INPP4B: variants seen among roughly 807,000 people sequenced by gnomAD.
The protein encoded by INPP4B is inositol polyphosphate 4-phosphatase type II.
Under a neutral mutation model 122.5 loss-of-function variants are expected in INPP4B, and 55 were observed. The ratio of observed to expected loss-of-function variants is 0.45; its 90% CI spans 0.36 to 0.56. The LOEUF is 0.56. Ranked by LOEUF, INPP4B falls within the 20% of genes least tolerant of loss-of-function variation. The probability of loss-of-function intolerance (pLI) is 0.00; values close to 1 mark genes in which losing one functional copy is unlikely to be tolerated. For missense variants in INPP4B, 1,000 were observed against 1,097.7 expected, an observed-to-expected ratio of 0.91 and a Z score of 1.26; for synonymous variants, 403 against 388.7, an observed-to-expected ratio of 1.04 and a Z score of -0.43.
In INPP4B at chr4:142,549,939, G is replaced by A. The variant is rs545461018; in HGVS notation, c.-190-87213C>T. ...GGTTTCCATGTGAATAAATAGATAA[G>A]GCAATAGCCTCGTGTATTAGGAGGA... On this transcript the variant is annotated intron_variant, in intron 2 of 25. Coordinates refer to ENST00000262992, the MANE Select transcript of INPP4B (RefSeq NM_001101669.3). Among the ~76,000 whole-genome samples the A allele has an allele frequency of 2.6e-4, 39 of 152,284 alleles. 1 individual carries two copies. The South Asian group carries it at 7.7e-3, about 30-fold the overall frequency.
At chr4:142,288,135 G>T (rs1242479964) in intron 9 of INPP4B, among the ~76,000 whole-genome samples, 1 of 152,146 alleles carries the variant, frequency 6.6e-6, no homozygotes, top group Non-Finnish European at 1.5e-5. Flanking sequence ...ATATGAATTT[G>T]GAGGGAACAC....
At chr4:142,806,839 GAA>G in intron 1 of INPP4B, among the ~76,000 whole-genome samples, 2 of 148,892 alleles carry the variant, frequency 1.3e-5, no homozygotes. Flanking sequence ...AAGAAAGAAA[GAA>G]AGAAAGAAAG....
chr4:142,264,517 A>G (rs1005039997), intron 10 of INPP4B, among the ~76,000 whole-genome samples: 1 of 152,110 alleles, frequency 6.6e-6, no homozygotes, highest in Non-Finnish European at 1.5e-5. Context: ...TTTATCTTCT[A>G]TTTCTATGTG....
At chr4:142,251,872 G>T (rs1732278756) in intron 11 of INPP4B, among the ~76,000 whole-genome samples, 1 of 152,182 alleles carries the variant, frequency 6.6e-6, no homozygotes, top group South Asian at 2.1e-4. Flanking sequence ...TCATTAACCT[G>T]ATTATCATGC....
intron 7 of INPP4B, among the ~76,000 whole-genome samples, chr4:142,317,832 AGTAAGTATTCT>A (rs1768323605): frequency 6.6e-6 from 1 of 152,206 alleles, no homozygotes; most frequent in South Asian, 2.1e-4. Flanking sequence ...TTCAGGAAAT[AGTAAGTATTCT>A]GTTGATGCTA....
chr4:142,620,346 T>C (rs1486410691), intron 2 of INPP4B, among the ~76,000 whole-genome samples: 2 of 151,912 alleles, frequency 1.3e-5, no homozygotes, highest in Admixed American at 1.3e-4. Context: ...AGATTATGTC[T>C]TTTGCAGCAA....
chr4:142,764,786 G>A (rs1771846112), intron 1 of INPP4B, among the ~76,000 whole-genome samples: 1 of 151,904 alleles, frequency 6.6e-6, no homozygotes. Flanking sequence ...GGAGGGTCTA[G>A]CATGTGTATC....
intron 5 of INPP4B, among the ~76,000 whole-genome samples, chr4:142,413,754 G>T (rs2149260988): frequency 6.6e-6 from 1 of 152,242 alleles, no homozygotes; most frequent in Non-Finnish European, 1.5e-5. Flanking sequence ...TGTGGTTACA[G>T]TGTCTGGCTG....
At position 142,042,516 on chromosome 4, in the gene INPP4B, GTGTATGTA is replaced by G. The variant is rs3043168; in HGVS notation, c.2643-13610_2643-13603del. Among the ~76,000 whole-genome samples, 293 of 48,186 alleles carry G rather than the reference GTGTATGTA, an allele frequency of 6.1e-3. 1 individual carries two copies. Among genetic ancestry groups the G allele is most frequent in the South Asian group, 0.016 (19 of 1,188 alleles). The allele number at this position is 48,186 out of a possible 152,430, so 31.6% of individuals were successfully genotyped here. ...TTTTCCACTGCCAATTTATGTGTGT[GTGTATGTA>G]TGTATGTATGTATGTATGTATGTAT... On this transcript the variant is annotated intron_variant, in intron 25 of 25. Transcript: ENST00000262992.
At chr4:142,342,213 TG>T (rs1778923863) in intron 7 of INPP4B, among the ~76,000 whole-genome samples, 1 of 152,106 alleles carries the variant, frequency 6.6e-6, no homozygotes, top group South Asian at 2.1e-4. Context: ...ACTAGGAAAT[TG>T]GTAGTAATTG....
At chr4:142,406,998 C>A (rs535932511) in intron 5 of INPP4B, among the ~76,000 whole-genome samples, 8 of 152,080 alleles carry the variant, frequency 5.3e-5, no homozygotes, top group Non-Finnish European at 7.4e-5. Flanking sequence ...GAAGACCCAC[C>A]GCCACACCAC....
At chr4:142,473,887 C>T (rs1279444588) in intron 2 of INPP4B, among the ~76,000 whole-genome samples, 2 of 152,194 alleles carry the variant, frequency 1.3e-5, no homozygotes, top group Admixed American at 1.3e-4. Context: ...GGGAAGCACC[C>T]AGATGACAAG....
intron 11 of INPP4B, among the ~76,000 whole-genome samples, chr4:142,243,838 C>T (rs1465714778): frequency 6.6e-6 from 1 of 151,708 alleles, no homozygotes; most frequent in Admixed American, 6.6e-5. Flanking sequence ...ATATTTAGCT[C>T]AATTGTGTGG....
At chr4:142,254,970 C>T (rs1734885920) in intron 11 of INPP4B, among the ~76,000 whole-genome samples, 1 of 152,030 alleles carries the variant, frequency 6.6e-6, no homozygotes, top group Non-Finnish European at 1.5e-5. Context: ...TCGGGTTACC[C>T]TCAAAGGGAA....
chr4:142,644,534 C>T (rs1348102398), intron 2 of INPP4B, among the ~76,000 whole-genome samples: 1 of 151,638 alleles, frequency 6.6e-6, no homozygotes, highest in Non-Finnish European at 1.5e-5. Flanking sequence ...TGTCAACTAG[C>T]TTTAGTTAAC....
chr4:142,712,050 AAAT>A (rs1763186576), intron 2 of INPP4B, among the ~76,000 whole-genome samples: 1 of 152,130 alleles, frequency 6.6e-6, no homozygotes, highest in East Asian at 1.9e-4. Flanking sequence ...TCTGTCTCAA[AAAT>A]AATAACAATA....
intron 1 of INPP4B, among the ~76,000 whole-genome samples, chr4:142,802,012 G>A (rs2151092112): frequency 6.6e-6 from 1 of 152,250 alleles, no homozygotes; most frequent in Admixed American, 6.5e-5. Flanking sequence ...GACTCAGTTA[G>A]GGACCAGGAA....
chr4:142,600,439 C>T (rs958204068), intron 2 of INPP4B, among the ~76,000 whole-genome samples: 1 of 152,048 alleles, frequency 6.6e-6, no homozygotes, highest in Non-Finnish European at 1.5e-5. Flanking sequence ...AATTCAATAC[C>T]ACTAGACCTG....
At chr4:142,605,532 CAG>C (rs1205836847) in intron 2 of INPP4B, among the ~76,000 whole-genome samples, 1 of 151,958 alleles carries the variant, frequency 6.6e-6, no homozygotes, top group African/African-American at 2.4e-5. Flanking sequence ...ACTTATCCAA[CAG>C]GGGACTGCTC....
Sources: gnomAD v4.1 joint callset for allele counts (sites outside exome capture counted in the v4.1 genomes callset) on GRCh38, gnomAD v4.1.1 for gene constraint, MANE v1.5 for transcripts, NCBI Gene and HGNC (gene_info 2026-07-23, HGNC 2026-07-21) for gene names.